The following ASCC2 variants were observed in gnomAD, a reference collection of about 807,000 sequenced individuals.
ASCC2 encodes ASC-1 complex subunit P100.
In ASCC2, 42 loss-of-function variants were observed where a neutral mutation model predicts 93.5. That is an observed-to-expected ratio of 0.45 (90% CI 0.35 to 0.58). ASCC2 has a LOEUF of 0.58. ASCC2 is among the 20% of genes least tolerant of loss of function. The pLI, the probability that ASCC2 is intolerant of heterozygous loss-of-function variation, is 0.00. For missense variants in ASCC2, 859 were observed against 977.6 expected (o/e 0.88, Z 1.62); for synonymous variants, 364 against 384.2 (o/e 0.95, Z 0.62).
chr22:29,795,972 A>G (rs1479895962), intron 15 of ASCC2, among the ~76,000 whole-genome samples: 1 of 152,026 alleles, frequency 6.6e-6, no homozygotes, highest in African/African-American at 2.4e-5. Flanking sequence ...TTCCATAAAA[A>G]TCTTCTATTA....
chr22:29,800,860 T>C, intron 15 of ASCC2, 131 bp downstream of exon 15: 3 of 1,182,788 alleles, frequency 2.5e-6, no homozygotes, highest in South Asian at 3.6e-5. Flanking sequence ...TGCACAGGTC[T>C]AGGGTTGTGA....
chr22:29,831,372 G>T (rs2063124061), intron 2 of ASCC2, among the ~76,000 whole-genome samples: 2 of 152,184 alleles, frequency 1.3e-5, no homozygotes, highest in African/African-American at 4.8e-5. Flanking sequence ...CTGTAAAATG[G>T]AGACAATCAA....
chr22:29,790,356 A>G, intron 19 of ASCC2, 113 bp downstream of exon 19: 1 of 1,040,402 alleles, frequency 9.6e-7, no homozygotes, highest in Non-Finnish European at 1.4e-6. Context: ...TGTCGTGAGA[A>G]CTAAATACAC....
intron 2 of ASCC2, among the ~76,000 whole-genome samples, chr22:29,828,834 G>A (rs573907578): frequency 6.6e-5 from 10 of 152,338 alleles, no homozygotes; most frequent in African/African-American, 2.4e-4. Context: ...TTTCATGCAT[G>A]CATACAGATG....
intron 14 of ASCC2, 25 bp downstream of exon 14, chr22:29,801,969 G>A: frequency 6.4e-7 from 1 of 1,558,230 alleles, no homozygotes; most frequent in Non-Finnish European, 8.7e-7. Flanking sequence ...GGCAGCGGGA[G>A]CCTCCTCCCA....
chr22:29,797,494 C>T (rs1342808707), intron 15 of ASCC2, among the ~76,000 whole-genome samples: 2 of 152,210 alleles, frequency 1.3e-5, no homozygotes, highest in African/African-American at 4.8e-5. Flanking sequence ...GGGCCAGACA[C>T]AGGTCTCCTG....
intron 18 of ASCC2, 60 bp from the exon 19 acceptor site, chr22:29,790,608 C>A: frequency 6.5e-7 from 1 of 1,532,878 alleles, no homozygotes; most frequent in Non-Finnish European, 9.0e-7. Flanking sequence ...TCCTAAGCGG[C>A]GATGAGGCCC....
intron 18 of ASCC2, among the ~76,000 whole-genome samples, chr22:29,790,960 G>A (rs564199356): frequency 2.7e-4 from 41 of 152,294 alleles, no homozygotes; most frequent in Admixed American, 8.5e-4. Flanking sequence ...GCCTCACTGT[G>A]GCACCACTAG....
intron 1 of ASCC2, chr22:29,834,303 T>A (rs1450115519): frequency 3.0e-6 from 1 of 331,544 alleles, no homozygotes; most frequent in Non-Finnish European, 6.1e-6. Flanking sequence ...GTCTGAGTAG[T>A]CTTGATAATA....
In ASCC2 at chr22:29,825,542, G is replaced by A; in HGVS notation, c.240+80C>T. ...GAAGTAGACAAAAAAGCACCTCCTA[G>A]GGGAAGAAAAACAACAACAGCAACC... is the stretch of plus-strand genomic sequence containing the variant. On this transcript the variant is annotated intron_variant, in intron 3 of 19. Transcript: ENST00000307790. The surrounding 1 kb of genome is among the most constrained non-coding windows in gnomAD (Gnocchi z 4.9). 1.3e-6 allele frequency: 2 copies of A among 1,593,690 alleles called. No individual in the cohort carries two copies. The highest frequency in any genetic ancestry group is 2.2e-5 in the East Asian group (1 of 44,726).
At chr22:29,822,716 C>CTTTTTTTTTTTTTT (rs748997801) in intron 4 of ASCC2, among the ~76,000 whole-genome samples, 10 of 92,998 alleles carry the variant, frequency 1.1e-4, no homozygotes, top group African/African-American at 1.7e-4. Context: ...ATTATCATGT[C>CTTTTTTTTTTTTTT]TTTTTTTTTT....
chr22:29,799,122 G>C (rs1169244733), intron 15 of ASCC2: 2 of 152,304 alleles, frequency 1.3e-5, no homozygotes, highest in Non-Finnish European at 2.9e-5. Context: ...ACAATACCAT[G>C]GGCCCTGGAC....
At chr22:29,836,379 C>CAAAAAAAA (rs999851531) in intron 1 of ASCC2, 4 of 35,490 alleles carry the variant, frequency 1.1e-4, no homozygotes, top group Non-Finnish European at 2.5e-4. Context: ...GACTCCATCT[C>CAAAAAAAA]AAAAAAAAAA....
chr22:29,814,555 C>A, intron 7 of ASCC2, 102 bp downstream of exon 7: 1 of 895,916 alleles, frequency 1.1e-6, no homozygotes, highest in Admixed American at 3.2e-5. Context: ...AGGGAAGAGG[C>A]CACTGGGTCC....
intron 16 of ASCC2, 33 bp from the exon 17 acceptor site, chr22:29,793,523 C>T (rs367805592): frequency 2.9e-5 from 47 of 1,613,842 alleles, no homozygotes; most frequent in Non-Finnish European, 3.9e-5. Flanking sequence ...CTGGGGGGCT[C>T]AGGGGCTGGC....
intron 8 of ASCC2, among the ~76,000 whole-genome samples, chr22:29,809,121 C>CAAA (rs1316093434): frequency 2.4e-5 from 1 of 40,980 alleles, no homozygotes; most frequent in South Asian, 5.3e-4. Context: ...GACTCTGTCT[C>CAAA]AAAAAAAAAA....
rs16988043 is a variant in ASCC2 at position 29,800,908 on chromosome 22, G to A, written c.1688+83C>T. On this transcript the variant is annotated intron_variant, in intron 15 of 19. Coordinates refer to ENST00000307790, the MANE Select transcript of ASCC2 (RefSeq NM_032204.5). ...GCTGATACTCCATGGCCAATTCTGC[G>A]AAGATGGAGCCCTTGGTTTCCCTGT... 0.014 allele frequency: 20,865 copies of A among 1,482,466 alleles called. 2,241 individuals carry two copies. The African/African-American group carries it at 0.25, about 17-fold the overall frequency. The allele number at this position is 1,482,466 out of a possible 1,614,324, so 91.8% of individuals were successfully genotyped here.
intron 5 of ASCC2, among the ~76,000 whole-genome samples, chr22:29,817,680 C>T (rs2061021425): frequency 6.6e-6 from 1 of 152,226 alleles, no homozygotes. Context: ...CTGAGTAAAG[C>T]GAGGTTTTAC....
chr22:29,788,728 C>T lies in ASCC2; in HGVS notation c.*285G>A. 2.1e-6 allele frequency: 1 copy of T among 469,164 alleles called. No individual in the cohort carries two copies. Among genetic ancestry groups the T allele is most frequent in the Non-Finnish European group, 3.9e-6 (1 of 257,368 alleles). 29.1% of individuals were successfully genotyped at this position (469,164 alleles called of 1,614,324 possible). A position where few individuals can be genotyped will look rare whatever the true frequency, so the allele number is the denominator to read the frequency against. On this transcript the variant is annotated 3_prime_UTR_variant, in exon 20 of 20. Transcript: ENST00000307790. ...TGTGGCCCGAGGTTTGGGGCGCTTG[C>T]CTTGGGACTCCATCCCCATCTCTTT...
Sources: gnomAD v4.1 joint callset for allele counts (sites outside exome capture counted in the v4.1 genomes callset) on GRCh38, gnomAD v4.1.1 for gene constraint, Gnocchi (gnomAD v3.1) non-coding constraint, MANE v1.5 for transcripts, NCBI Gene and HGNC (gene_info 2026-07-23, HGNC 2026-07-21) for gene names.